Variants in ROR1 observed in about 807,000 individuals in gnomAD.
ROR1 encodes the protein ROR family WNT receptor 1.
ROR1 carries 19 observed loss-of-function variants against 78.8 expected under a neutral mutation model. That is an observed-to-expected ratio of 0.24 (90% CI 0.17 to 0.35). ROR1 has a LOEUF of 0.35. Among genes scored for constraint, ROR1 ranks in the 10% least tolerant of loss-of-function variants. ROR1 has a pLI of 1.00. For missense variants in ROR1, 917 were observed against 1,177.8 expected, an observed-to-expected ratio of 0.78 and a Z score of 3.24; for synonymous variants, 386 against 433.6, an observed-to-expected ratio of 0.89 and a Z score of 1.36.
rs1303912521 is a variant in ROR1 at position 63,868,138 on chromosome 1, TG to T, written c.91+93631del. On this transcript the variant is annotated intron_variant, in intron 1 of 8. Transcript: ENST00000371079. ...GAAATACTAGCGCAGTTTTTGTTGT[TG>T]TTGTTGTTGTTTTGTTTTTTTGTTT... 2.6e-4 allele frequency among the ~76,000 whole-genome samples: 40 copies of T among 152,210 alleles called. No individual in the cohort carries two copies. The South Asian group carries it at 8.1e-3, about 31-fold the overall frequency.
At chr1:64,053,533 T>C (rs1354828362) in intron 4 of ROR1, among the ~76,000 whole-genome samples, 1 of 152,234 alleles carries the variant, frequency 6.6e-6, no homozygotes, top group Non-Finnish European at 1.5e-5. Context: ...TTATAGGACC[T>C]GGGGCATGAG....
intron 4 of ROR1, among the ~76,000 whole-genome samples, chr1:64,060,658 C>T (rs1021547411): frequency 6.6e-6 from 1 of 152,144 alleles, no homozygotes; most frequent in Non-Finnish European, 1.5e-5. Context: ...ACCAGGAAGT[C>T]ACTTGGCAGC....
intron 7 of ROR1, among the ~76,000 whole-genome samples, chr1:64,145,268 G>T (rs1246868178): frequency 6.6e-6 from 1 of 152,076 alleles, no homozygotes; most frequent in African/African-American, 2.4e-5. Flanking sequence ...TACAATAGAA[G>T]TTAGCACAAA....
chr1:64,174,423 A>G (rs745617371), intron 8 of ROR1, among the ~76,000 whole-genome samples: 23 of 152,226 alleles, frequency 1.5e-4, no homozygotes, highest in Non-Finnish European at 2.9e-4. Context: ...CAAGATGCAA[A>G]CCCAGATTTA....
intron 4 of ROR1, among the ~76,000 whole-genome samples, chr1:64,130,017 TTTTGA>T (rs1299873524): frequency 6.6e-6 from 1 of 152,130 alleles, no homozygotes; most frequent in Non-Finnish European, 1.5e-5. Flanking sequence ...AACTTCAAAA[TTTTGA>T]TTTAATTTTT....
intron 2 of ROR1, among the ~76,000 whole-genome samples, chr1:64,024,508 A>C (rs1244971725): frequency 6.6e-6 from 1 of 152,136 alleles, no homozygotes; most frequent in Non-Finnish European, 1.5e-5. Context: ...AACAAAAAAA[A>C]CAAAAACAAA....
chr1:63,936,487 C>T (rs749338780), intron 1 of ROR1, among the ~76,000 whole-genome samples: 10 of 152,148 alleles, frequency 6.6e-5, no homozygotes, highest in Non-Finnish European at 1.3e-4. Flanking sequence ...GGAATGCTAA[C>T]CTTCCAGCAT....
intron 4 of ROR1, among the ~76,000 whole-genome samples, chr1:64,056,384 A>G (rs1334116533): frequency 6.6e-6 from 1 of 151,150 alleles, no homozygotes; most frequent in Non-Finnish European, 1.5e-5. Flanking sequence ...TTTAAAATTT[A>G]TTATAGCCAG....
chr1:63,875,973 G>A (rs1036826849), intron 1 of ROR1, among the ~76,000 whole-genome samples: 4 of 152,098 alleles, frequency 2.6e-5, no homozygotes, highest in African/African-American at 9.7e-5. Context: ...GAGTTTTGAG[G>A]TTGTTGAGAA....
At chr1:63,779,825 AC>A (rs1332092674) in intron 1 of ROR1, among the ~76,000 whole-genome samples, 2 of 151,478 alleles carry the variant, frequency 1.3e-5, no homozygotes, top group African/African-American at 2.4e-5. Flanking sequence ...CCCCAGCCAC[AC>A]CCCCCAGAAC....
At chr1:64,171,395 C>T (rs933002197) in intron 8 of ROR1, 7 of 152,260 alleles carry the variant, frequency 4.6e-5, no homozygotes, top group African/African-American at 1.4e-4. Flanking sequence ...TGCCCCCTGA[C>T]TCAATTACCT....
chr1:64,047,208 AGAGGCTGTGAAAACATTTT>A (rs1365476567), intron 2 of ROR1, among the ~76,000 whole-genome samples: 1 of 152,230 alleles, frequency 6.6e-6, no homozygotes, highest in Non-Finnish European at 1.5e-5. Context: ...AACAGGAGAC[AGAGGCTGTGAAAACATTTT>A]GTCATGTGAA....
At chr1:63,788,188 A>G (rs1313526355) in intron 1 of ROR1, among the ~76,000 whole-genome samples, 1 of 152,222 alleles carries the variant, frequency 6.6e-6, no homozygotes, top group African/African-American at 2.4e-5. Context: ...TAACAAAATG[A>G]AGTGGGTGTT....
rs185432443 is a variant in ROR1 at position 63,914,435 on chromosome 1, G to A, written c.92-94870G>A. On this transcript the variant is annotated intron_variant, in intron 1 of 8. Coordinates refer to ENST00000371079, the MANE Select transcript of ROR1 (RefSeq NM_005012.4). ...GAGAGAGAAAGTAGCATGCTGCAGG[G>A]TGCTGCTGAGTTCAGGCTGTGGCTG... 9.9e-5 allele frequency among the ~76,000 whole-genome samples: 15 copies of A among 152,262 alleles called. No homozygotes were observed. In the East Asian group the frequency reaches 1.9e-3, roughly 20 times the overall value.
At chr1:63,997,153 G>C (rs909237339) in intron 1 of ROR1, among the ~76,000 whole-genome samples, 5 of 152,136 alleles carry the variant, frequency 3.3e-5, no homozygotes, top group African/African-American at 1.2e-4. Flanking sequence ...GCTGAAAAGG[G>C]GTTTGTTTTT....
intron 1 of ROR1, chr1:63,843,128 C>T (rs1018761350): frequency 2.8e-6 from 2 of 715,550 alleles, no homozygotes; most frequent in East Asian, 3.0e-5. Context: ...AAGGGGACGG[C>T]CTGCAACCCC....
At chr1:64,016,863 C>A (rs1646524870) in intron 2 of ROR1, among the ~76,000 whole-genome samples, 1 of 151,730 alleles carries the variant, frequency 6.6e-6, no homozygotes, top group African/African-American at 2.4e-5. Context: ...GGAGTAATTT[C>A]TCATCTGTGG....
chr1:63,822,054 G>T (rs1301468737), intron 1 of ROR1, among the ~76,000 whole-genome samples: 2 of 152,228 alleles, frequency 1.3e-5, no homozygotes, highest in Non-Finnish European at 2.9e-5. Flanking sequence ...AGCTTGCCGT[G>T]ATGAATCCTT....
At chr1:63,957,697 G>A (rs553956067) in intron 1 of ROR1, among the ~76,000 whole-genome samples, 1 of 150,936 alleles carries the variant, frequency 6.6e-6, no homozygotes, top group Non-Finnish European at 1.5e-5. Flanking sequence ...ATAGTGTTTT[G>A]TAACTTGCTC....
Sources: allele counts gnomAD v4.1 joint callset (sites outside exome capture counted in the v4.1 genomes callset), GRCh38; gene constraint gnomAD v4.1.1; transcripts MANE v1.5; gene names NCBI Gene and HGNC (gene_info 2026-07-23, HGNC 2026-07-21).